Variants in SCAMP5 observed in about 807,000 individuals in gnomAD.
The protein encoded by SCAMP5 is secretory carrier-associated membrane protein 5.
Under a neutral mutation model 28.3 loss-of-function variants are expected in SCAMP5, and 7 were observed. The observed-to-expected ratio is 0.25, with a 90% CI of 0.14 to 0.46. The LOEUF (loss-of-function observed/expected upper bound fraction) is 0.46. Among genes scored for constraint, SCAMP5 ranks in the 20% least tolerant of loss-of-function variants. The pLI is 0.99. For synonymous variants in SCAMP5, 117 were observed against 116.4 expected (o/e 1.00, Z -0.03); for missense variants, 192 against 312.5 (o/e 0.61, Z 2.91).
chr15:75,018,605 C>A lies in SCAMP5; in HGVS notation c.513+70C>A. 8.3e-7 allele frequency: 1 copy of A among 1,208,204 alleles called. No individual in the cohort carries two copies. Among genetic ancestry groups the A allele is most frequent in the Non-Finnish European group, 1.2e-6 (1 of 810,048 alleles). 74.8% of individuals were successfully genotyped at this position (1,208,204 alleles called of 1,614,324 possible). A position where few individuals can be genotyped will look rare whatever the true frequency, so the allele number is the denominator to read the frequency against. On this transcript the variant is annotated intron_variant, in intron 6 of 6. Transcript: ENST00000425597. This position sits in a 1 kb window ranked among gnomAD's most constrained non-coding sequence, Gnocchi z 5.6. Reference sequence around the variant, plus strand: ...CCATGTTCTGAAACAAGCCCTCCTCCAAGTTGCAAGAGGATCCCGAGGTCT... The same window carrying A: ...CCATGTTCTGAAACAAGCCCTCCTCAAAGTTGCAAGAGGATCCCGAGGTCT...
chr15:75,016,651 C>G lies in SCAMP5; in HGVS notation c.195C>G (p.Gly65=), dbSNP rs751090559. 6.2e-7 allele frequency: 1 copy of G among 1,613,576 alleles called. No homozygotes were observed. The highest frequency in any genetic ancestry group is 1.3e-5 in the African/African-American group (1 of 74,860). ...LVGCLAWLIG[G]GGATNFGLAF... ...GCTGTCTCGCGTGGCTGATCGGAGG[C>G]GGGGGAGCCACCAACTTTGGCCTCG... The change falls in exon 4 of 7, where the codon GGC becomes GGG. Residue 65 remains glycine (G), a synonymous_variant. Transcript: ENST00000425597.
rs2065644404 is a variant in SCAMP5 at position 74,995,622 on chromosome 15, G to GCCC, written c.-99_-98insCCC. ...CTCCGCGCCGCATCGCTCGGGTGCA[G>GCCC]CGCAGCTCAGCGCAGCGCTGCGGCC... On this transcript the variant is annotated 5_prime_UTR_variant, in exon 1 of 7. Coordinates refer to ENST00000425597, the MANE Select transcript of SCAMP5 (RefSeq NM_138967.4). 6.7e-6 allele frequency: 1 copy of GCCC among 149,522 alleles called. No homozygotes were observed. The highest frequency in any genetic ancestry group is 1.5e-5 in the Non-Finnish European group (1 of 66,944). The allele number at this position is 149,522 out of a possible 1,614,324, so 9.3% of individuals were successfully genotyped here. A position where few individuals can be genotyped will look rare whatever the true frequency, so the allele number is the denominator to read the frequency against.
chr15:75,012,758 C>A lies in SCAMP5; in HGVS notation c.89C>A (p.Pro30His), dbSNP rs1392149063. The A allele has an allele frequency of 3.1e-6, 5 of 1,613,898 alleles. No homozygotes were observed. Among genetic ancestry groups the A allele is most frequent in the Non-Finnish European group, 4.2e-6 (5 of 1,179,862 alleles). ...CFYQDFEADI[P>H]PQHVSMTKRL... ...TACCAAGACTTCGAGGCAGATATTC[C>A]TCCCCAGCATGTCAGCATGACCAAG... The change falls in exon 3 of 7, where the codon CCT (proline) becomes CAT (histidine). Residue 30 changes from proline to histidine, a missense_variant. Coordinates refer to ENST00000425597, the MANE Select transcript of SCAMP5 (RefSeq NM_138967.4).
intron 1 of SCAMP5, among the ~76,000 whole-genome samples, chr15:75,006,785 AAAAAC>A (rs1357311415): frequency 6.6e-6 from 1 of 150,816 alleles, no homozygotes; most frequent in East Asian, 1.9e-4. Context: ...AAAAAAAAAA[AAAAAC>A]AATTAGCTGG....
Position 75,017,977 on chromosome 15 carries a change from A to T in SCAMP5, c.395+6A>T. On this transcript the variant is annotated splice_donor_region_variant and intron_variant, in intron 5 of 6. Coordinates refer to ENST00000425597, the MANE Select transcript of SCAMP5 (RefSeq NM_138967.4). ...ATCCCAGGCTGGGGCGTCTGGTAAG[A>T]GGCAGGGGTGTGGCCTGGGGCTGGC... 1 of 1,595,464 alleles carries T rather than the reference A, an allele frequency of 6.3e-7. No homozygotes were observed. The highest frequency in any genetic ancestry group is 8.6e-7 in the Non-Finnish European group (1 of 1,163,360).
At chr15:75,000,358 C>T (rs12592477) in intron 1 of SCAMP5, among the ~76,000 whole-genome samples, 25,693 of 151,478 alleles carry the variant, frequency 0.17, 3,237 homozygotes, top group South Asian at 0.43. Flanking sequence ...CACATGCCAC[C>T]GGGCTAGGCA....
At position 75,008,915 on chromosome 15, in the gene SCAMP5, C is replaced by T. The variant is rs548850739; in HGVS notation, c.-48-2877C>T. Among the ~76,000 whole-genome samples, 6 of 152,222 alleles carry T rather than the reference C, an allele frequency of 3.9e-5. No individual in the cohort carries two copies. In the East Asian group the frequency reaches 9.6e-4, roughly 24 times the overall value. On this transcript the variant is annotated intron_variant, in intron 1 of 6. Transcript: ENST00000425597. ...ATGCAAATAGTGTCATGTCGAATAA[C>T]GTGTGTGTTTGTCATTTCTTATATC...
At position 75,015,453 on chromosome 15, in the gene SCAMP5, G is replaced by GGT. The variant is rs1567030383; in HGVS notation, c.137-1139_137-1138insTG. Among the ~76,000 whole-genome samples, 216 of 146,728 alleles carry GGT rather than the reference G, an allele frequency of 1.5e-3. 5 individuals carry two copies. Among genetic ancestry groups the GGT allele is most frequent in the African/African-American group, 5.0e-3 (201 of 39,866 alleles). The stretch of plus-strand genomic sequence containing the variant: ...TTCAGCTAGATGAGGTGGGGACAGA[G>GGT]GGGGGGGGGCCTGGGTCCTGTTCTT... On this transcript the variant is annotated intron_variant, in intron 3 of 6. Coordinates refer to ENST00000425597, the MANE Select transcript of SCAMP5 (RefSeq NM_138967.4).
In SCAMP5 at chr15:75,018,864, A is replaced by G; in HGVS notation, c.589A>G (p.Asn197Asp). The G allele has an allele frequency of 6.3e-7, 1 of 1,595,546 alleles. No homozygotes were observed. Among genetic ancestry groups the G allele is most frequent in the Non-Finnish European group, 8.5e-7 (1 of 1,175,234 alleles). Reference sequence around the variant, plus strand: ...GGAGTGGACCACAGGGGCCTGGAAGAATCCACATGTGCAGCAGGCAGCCCA... The same window carrying G: ...GGAGTGGACCACAGGGGCCTGGAAGGATCCACATGTGCAGCAGGCAGCCCA... ...QEEWTTGAWK[N>D]PHVQQAAQNA... Residue 197 changes from asparagine to aspartate, a missense_variant, in exon 7 of 7, where the codon AAT (asparagine) becomes GAT (aspartate). By Grantham distance (23) the Asn-to-Asp change is conservative (BLOSUM62 1). Transcript: ENST00000425597. The surrounding 1 kb of genome is among the most constrained non-coding windows in gnomAD (Gnocchi z 5.6).
chr15:75,010,666 G>A (rs888406016), intron 1 of SCAMP5, among the ~76,000 whole-genome samples: 8 of 152,248 alleles, frequency 5.3e-5, no homozygotes, highest in African/African-American at 1.4e-4. Context: ...TAAAAAATTA[G>A]CATGGTAGTC....
chr15:75,009,555 C>T (rs1033870370), intron 1 of SCAMP5, among the ~76,000 whole-genome samples: 2 of 151,326 alleles, frequency 1.3e-5, no homozygotes. Context: ...TGGCTCACTG[C>T]AGCCTCTACC....
chr15:75,003,456 T>A (rs961851495), intron 1 of SCAMP5, among the ~76,000 whole-genome samples: 1 of 152,296 alleles, frequency 6.6e-6, no homozygotes, highest in East Asian at 1.9e-4. Context: ...AATACAGATA[T>A]GTATATTTCC....
rs529062359 is a variant in SCAMP5 at position 75,019,378 on chromosome 15, G to A, written c.*395G>A. ...CCCTGGCCCAGGGACCCCTCACGGG[G>A]CCAGGGGAGGCATAGCAGAAAGACT... On this transcript the variant is annotated 3_prime_UTR_variant, in exon 7 of 7. Coordinates refer to ENST00000425597, the MANE Select transcript of SCAMP5 (RefSeq NM_138967.4). The A allele has an allele frequency of 7.6e-4, 117 of 154,262 alleles. 1 individual carries two copies. Among genetic ancestry groups the A allele is most frequent in the South Asian group, 4.3e-3 (21 of 4,846 alleles). 9.6% of individuals were successfully genotyped at this position (154,262 alleles called of 1,614,324 possible).
intron 1 of SCAMP5, among the ~76,000 whole-genome samples, chr15:75,005,685 T>C (rs184569670): frequency 6.6e-6 from 1 of 152,294 alleles, no homozygotes; most frequent in African/African-American, 2.4e-5. Flanking sequence ...TGACCTTGAG[T>C]CCTTCTGTGC....
chr15:75,009,439 GTT>G (rs1491230238), intron 1 of SCAMP5, among the ~76,000 whole-genome samples: 2 of 130,268 alleles, frequency 1.5e-5, no homozygotes, highest in South Asian at 2.6e-4. Context: ...AATGCTAGAA[GTT>G]TGTGTGTGTG....
At position 75,021,430 on chromosome 15, in the gene SCAMP5, C is replaced by T. The variant is rs1021641688; in HGVS notation, c.*2447C>T. The T allele has an allele frequency of 5.3e-5, 8 of 152,308 alleles. No homozygotes were observed. Among genetic ancestry groups the T allele is most frequent in the Admixed American group, 4.6e-4 (7 of 15,274 alleles). The allele number at this position is 152,308 out of a possible 1,614,324, so 9.4% of individuals were successfully genotyped here. On this transcript the variant is annotated 3_prime_UTR_variant, in exon 7 of 7. Coordinates refer to ENST00000425597, the MANE Select transcript of SCAMP5 (RefSeq NM_138967.4). ...GTTCCCCAGCTGGCAGTTGAGCTGC[C>T]TGAGCCAATGTGTCTGTCTTTGGTA...
chr15:75,009,252 C>A (rs537207942), intron 1 of SCAMP5, among the ~76,000 whole-genome samples: 2 of 152,282 alleles, frequency 1.3e-5, no homozygotes, highest in African/African-American at 4.8e-5. Context: ...AACAGTGCCG[C>A]AATTAATGCA....
intron 1 of SCAMP5, among the ~76,000 whole-genome samples, chr15:74,997,675 A>G (rs2065665771): frequency 6.6e-6 from 1 of 152,150 alleles, no homozygotes; most frequent in Admixed American, 6.5e-5. Flanking sequence ...CTCCTGCATG[A>G]GGCTGGGAGT....
In SCAMP5 at chr15:75,016,769, C is replaced by T. The variant is rs201327994; in HGVS notation, c.293+20C>T. ...CTTCAAGTAAGTGGTTGGTGCTATC[C>T]GCAGTGCCTAGCCGTCTCTGCCCAT... On this transcript the variant is annotated intron_variant, in intron 4 of 6. Transcript: ENST00000425597. The T allele has an allele frequency of 4.2e-4, 674 of 1,604,572 alleles. No individual in the cohort carries two copies. Among genetic ancestry groups the T allele is most frequent in the Non-Finnish European group, 5.4e-4 (632 of 1,173,516 alleles).
Sources: gnomAD v4.1 joint callset for allele counts (sites outside exome capture counted in the v4.1 genomes callset) on GRCh38, gnomAD v4.1.1 for gene constraint, Gnocchi (gnomAD v3.1) non-coding constraint, MANE v1.5 for transcripts, NCBI Gene and HGNC (gene_info 2026-07-23, HGNC 2026-07-21) for gene names.